RIMS2: variants seen among roughly 807,000 people sequenced by gnomAD.
RIMS2 encodes the protein regulating synaptic membrane exocytosis protein 2.
A neutral mutation model predicts 174.4 loss-of-function variants in RIMS2; 59 were observed. The observed-to-expected ratio is 0.34, with a 90% confidence interval of 0.27 to 0.42. The LOEUF (loss-of-function observed/expected upper bound fraction) is 0.42. Among genes scored for constraint, RIMS2 ranks in the 10% least tolerant of loss-of-function variants. RIMS2 has a pLI of 1.00. For synonymous variants in RIMS2, 606 were observed against 572.5 expected, an observed-to-expected ratio of 1.06 and a Z score of -0.84; for missense variants, 1,620 against 1,666.3, an observed-to-expected ratio of 0.97 and a Z score of 0.48.
At chr8:103,745,986 T>G (rs539151070) in intron 2 of RIMS2, among the ~76,000 whole-genome samples, 6 of 152,328 alleles carry the variant, frequency 3.9e-5, no homozygotes, top group African/African-American at 1.4e-4. Flanking sequence ...TGTTTGGTTG[T>G]TTGTTCTTTT....
chr8:103,529,583 G>A (rs1835966296), intron 1 of RIMS2, among the ~76,000 whole-genome samples: 1 of 152,174 alleles, frequency 6.6e-6, no homozygotes. Context: ...CCCGGGTGAG[G>A]CGATGTCTTG....
intron 1 of RIMS2, among the ~76,000 whole-genome samples, chr8:103,680,213 A>C (rs2096862390): frequency 6.6e-6 from 1 of 152,102 alleles, no homozygotes; most frequent in Non-Finnish European, 1.5e-5. Flanking sequence ...TGCAGAGTTC[A>C]TAAACAGACC....
chr8:103,896,239 A>C (rs554749199), intron 4 of RIMS2, among the ~76,000 whole-genome samples: 3 of 151,678 alleles, frequency 2.0e-5, no homozygotes, highest in Middle Eastern at 6.8e-3. Flanking sequence ...TTTAGCTGAC[A>C]AAACCTTGGG....
chr8:103,735,246 C>A lies in RIMS2; in HGVS notation c.388-30981C>A, dbSNP rs180750156. Among the ~76,000 whole-genome samples the A allele has an allele frequency of 4.2e-4, 64 of 152,238 alleles. 1 individual carries two copies. In the Middle Eastern group the frequency reaches 0.017, roughly 40 times the overall value. ...TTTGACTTCAGTACAGTGAAGGGCTCCAGAAAACTGATTTTGTAGTTGAAT... is the reference window on the plus strand; with the variant it reads ...TTTGACTTCAGTACAGTGAAGGGCTACAGAAAACTGATTTTGTAGTTGAAT... On this transcript the variant is annotated intron_variant, in intron 2 of 23. Transcript: ENST00000504942.
chr8:103,603,424 T>C lies in RIMS2; in HGVS notation c.177-93662T>C, dbSNP rs1179571783. Among the ~76,000 whole-genome samples the C allele has an allele frequency of 3.4e-4, 51 of 148,618 alleles. No individual in the cohort carries two copies. In the South Asian group the frequency reaches 0.011, roughly 32 times the overall value. ...GTTGGGCATTTGGGTTGGTTCCAAG[T>C]CTTTGCTATTGTGAATAATGCCACA... On this transcript the variant is annotated intron_variant, in intron 1 of 23. Coordinates refer to ENST00000504942, the Ensembl canonical transcript of RIMS2.
intron 5 of RIMS2, among the ~76,000 whole-genome samples, chr8:103,910,945 A>G (rs1163161501): frequency 2.0e-5 from 3 of 152,168 alleles, no homozygotes. Flanking sequence ...CAAAAGGGAG[A>G]TAATTGGGTC....
intron 14 of RIMS2, among the ~76,000 whole-genome samples, chr8:103,953,168 A>G (rs1272398204): frequency 1.3e-5 from 2 of 152,234 alleles, no homozygotes; most frequent in Admixed American, 6.5e-5. Context: ...ACCAAGTTGG[A>G]AAACACTCTT....
intron 19 of RIMS2, among the ~76,000 whole-genome samples, chr8:104,028,532 T>C (rs2096307975): frequency 1.3e-5 from 2 of 152,168 alleles, no homozygotes; most frequent in African/African-American, 4.8e-5. Flanking sequence ...AATTATGTTT[T>C]AAAAATAGAT....
At chr8:103,676,869 A>G (rs1190153963) in intron 1 of RIMS2, among the ~76,000 whole-genome samples, 2 of 152,158 alleles carry the variant, frequency 1.3e-5, no homozygotes, top group Non-Finnish European at 2.9e-5. Flanking sequence ...CTGTAATTTC[A>G]GTTACTCAGG....
At chr8:103,557,579 T>A (rs2090722488) in intron 1 of RIMS2, among the ~76,000 whole-genome samples, 1 of 152,204 alleles carries the variant, frequency 6.6e-6, no homozygotes, top group African/African-American at 2.4e-5. Flanking sequence ...TTTGGGACAC[T>A]ACAATGAATG....
At chr8:103,837,898 ACTTGCCTCATAGTGCCCCGCATTTT>A (rs2098912418) in intron 3 of RIMS2, among the ~76,000 whole-genome samples, 1 of 150,084 alleles carries the variant, frequency 6.7e-6, no homozygotes, top group Non-Finnish European at 1.5e-5. Context: ...TCTTAATGTT[ACTTGCCTCATAGTGCCCCGCATTTT>A]CTTTTTCTTT....
chr8:104,108,608 C>G (rs909364683), intron 19 of RIMS2, among the ~76,000 whole-genome samples: 2 of 151,990 alleles, frequency 1.3e-5, no homozygotes, highest in African/African-American at 4.8e-5. Flanking sequence ...CTTTTGTTAC[C>G]TTTTCTTATG....
intron 1 of RIMS2, among the ~76,000 whole-genome samples, chr8:103,638,807 T>A (rs957780724): frequency 2.0e-5 from 3 of 152,064 alleles, no homozygotes; most frequent in Non-Finnish European, 2.9e-5. Context: ...GGGATGTCAC[T>A]GTTTCTAGGC....
chr8:103,890,653 A>G (rs2099238509), intron 4 of RIMS2, among the ~76,000 whole-genome samples: 1 of 151,914 alleles, frequency 6.6e-6, no homozygotes, highest in Non-Finnish European at 1.5e-5. Context: ...TCGGTTAGGA[A>G]ATTGCAAATT....
chr8:104,056,157 C>T (rs2096865076), intron 19 of RIMS2, among the ~76,000 whole-genome samples: 1 of 152,094 alleles, frequency 6.6e-6, no homozygotes, highest in African/African-American at 2.4e-5. Context: ...ATAATCCCAG[C>T]ACCTTGGGAG....
intron 3 of RIMS2, among the ~76,000 whole-genome samples, chr8:103,863,505 A>T (rs971694922): frequency 6.6e-6 from 1 of 152,056 alleles, no homozygotes; most frequent in African/African-American, 2.4e-5. Context: ...TGGAATATAT[A>T]CAGTGGGATT....
chr8:103,788,508 A>G (rs1446777273), intron 3 of RIMS2, among the ~76,000 whole-genome samples: 2 of 150,108 alleles, frequency 1.3e-5, no homozygotes, highest in Non-Finnish European at 3.0e-5. Flanking sequence ...CCTCAGCTGC[A>G]GGTCTGTTGG....
intron 17 of RIMS2, among the ~76,000 whole-genome samples, chr8:103,994,023 C>T (rs1195100127): frequency 1.4e-5 from 2 of 144,486 alleles, no homozygotes; most frequent in African/African-American, 5.2e-5. Flanking sequence ...TGCAGTCCAG[C>T]CAGGGTGACA....
chr8:104,112,828 G>A (rs1427809558), intron 19 of RIMS2, among the ~76,000 whole-genome samples: 2 of 152,146 alleles, frequency 1.3e-5, no homozygotes, highest in Non-Finnish European at 2.9e-5. Context: ...GTTGAAGGAT[G>A]AATGAGTCCC....
Sources: gnomAD v4.1 joint callset for allele counts (sites outside exome capture counted in the v4.1 genomes callset) on GRCh38, gnomAD v4.1.1 for gene constraint, MANE v1.5 for transcripts, NCBI Gene and HGNC (gene_info 2026-07-23, HGNC 2026-07-21) for gene names.